The following PRKCI variants were observed in gnomAD, a reference collection of about 807,000 sequenced individuals.
The protein encoded by PRKCI is protein kinase C iota.
In PRKCI, 43 loss-of-function variants were observed where a neutral mutation model predicts 84.0. The observed-to-expected ratio is 0.51, with a 90% confidence interval of 0.40 to 0.66. PRKCI has a LOEUF of 0.66. Among genes scored for constraint, PRKCI ranks in the 30% least tolerant of loss-of-function variants. PRKCI has a pLI of 0.00. For missense variants in PRKCI, 459 were observed against 745.6 expected, an observed-to-expected ratio of 0.62 and a Z score of 4.48; for synonymous variants, 216 against 234.4, an observed-to-expected ratio of 0.92 and a Z score of 0.72.
At chr3:170,295,536 C>T (rs1296910927) in intron 14 of PRKCI, among the ~76,000 whole-genome samples, 1 of 151,900 alleles carries the variant, frequency 6.6e-6, no homozygotes, top group African/African-American at 2.4e-5. Flanking sequence ...ACTCACTGGG[C>T]ATAGTGGCAC....
intron 2 of PRKCI, among the ~76,000 whole-genome samples, chr3:170,247,666 G>T (rs1733319846): frequency 6.9e-6 from 1 of 145,894 alleles, no homozygotes; most frequent in Non-Finnish European, 1.5e-5. Flanking sequence ...GGAGGTGGAG[G>T]TTGCAGTGAG....
chr3:170,243,436 G>A (rs1010869923), intron 2 of PRKCI, among the ~76,000 whole-genome samples: 8 of 152,018 alleles, frequency 5.3e-5, no homozygotes, highest in African/African-American at 9.7e-5. Context: ...GATTGTTTTT[G>A]GTTTTGGCTG....
At chr3:170,297,530 C>A (rs1734714154) in intron 16 of PRKCI, 137 bp downstream of exon 16, 4 of 667,744 alleles carry the variant, frequency 6.0e-6, no homozygotes, top group Non-Finnish European at 1.1e-5. Context: ...TCTCAGCTCA[C>A]TGCAACCTCC....
At position 170,263,419 on chromosome 3, in the gene PRKCI, A is replaced by G; in HGVS notation, c.354A>G (p.Pro118=). The G allele has an allele frequency of 6.3e-7, 1 of 1,594,930 alleles. No homozygotes were observed. Among genetic ancestry groups the G allele is most frequent in the Middle Eastern group, 1.7e-4 (1 of 6,008 alleles). The change falls in exon 4 of 18, where the codon CCA becomes CCG. Residue 118 remains proline (P), a synonymous_variant. Coordinates refer to ENST00000295797, the MANE Select transcript of PRKCI (RefSeq NM_002740.6). ...CVPERPGMPC[P]GEDKSIYRRG... ...CAGAACGTCCTGGGATGCCTTGTCC[A>G]GGAGAAGATAGTGAGTGTTTATATA... is the stretch of plus-strand genomic sequence containing the variant.
intron 2 of PRKCI, among the ~76,000 whole-genome samples, chr3:170,240,055 A>G (rs886418016): frequency 1.3e-5 from 2 of 152,126 alleles, no homozygotes; most frequent in African/African-American, 4.8e-5. Context: ...TCAGCTACTC[A>G]AAAAGCTAAG....
chr3:170,226,069 C>T (rs1732620835), intron 1 of PRKCI, among the ~76,000 whole-genome samples: 1 of 151,942 alleles, frequency 6.6e-6, no homozygotes, highest in Non-Finnish European at 1.5e-5. Context: ...CCCACCACCA[C>T]GCCCAGCTAA....
At chr3:170,242,913 C>T (rs556353327) in intron 2 of PRKCI, among the ~76,000 whole-genome samples, 1 of 152,006 alleles carries the variant, frequency 6.6e-6, no homozygotes, top group South Asian at 2.1e-4. Flanking sequence ...TCAGGTGATC[C>T]GCCTGCCTCA....
chr3:170,231,702 T>TAATC (rs146587555), intron 1 of PRKCI, among the ~76,000 whole-genome samples: 3,210 of 152,260 alleles, frequency 0.021, 59 homozygotes, highest in East Asian at 0.1. Flanking sequence ...TGACCTCAGG[T>TAATC]AATCCACCCA....
intron 7 of PRKCI, among the ~76,000 whole-genome samples, chr3:170,273,743 A>G (rs1332696731): frequency 1.3e-5 from 2 of 151,820 alleles, no homozygotes; most frequent in African/African-American, 4.8e-5. Context: ...TGAACCCAGA[A>G]GTTGGAGGTT....
intron 2 of PRKCI, among the ~76,000 whole-genome samples, chr3:170,252,292 T>C (rs1733471838): frequency 1.3e-5 from 2 of 150,002 alleles, no homozygotes; most frequent in Admixed American, 6.7e-5. Flanking sequence ...TGGAGGACAG[T>C]TGGAAATACT....
At chr3:170,227,101 A>G (rs946656847) in intron 1 of PRKCI, among the ~76,000 whole-genome samples, 6 of 152,226 alleles carry the variant, frequency 3.9e-5, no homozygotes, top group Non-Finnish European at 7.3e-5. Context: ...TCTGCACAGA[A>G]AAATTCTCCC....
intron 2 of PRKCI, among the ~76,000 whole-genome samples, chr3:170,258,818 A>G (rs1050018940): frequency 3.3e-5 from 5 of 152,160 alleles, no homozygotes; most frequent in Admixed American, 2.6e-4. Context: ...TCCTTTGAGG[A>G]GGCTCTGTCA....
chr3:170,259,635 C>G (rs1019998183), intron 2 of PRKCI, among the ~76,000 whole-genome samples: 2 of 152,054 alleles, frequency 1.3e-5, no homozygotes, highest in Non-Finnish European at 2.9e-5. Flanking sequence ...ATGGTGAAAC[C>G]CTGTCTCTAC....
Position 170,305,034 on chromosome 3 carries a change from C to A in PRKCI, c.*1907C>A, listed in dbSNP as rs1259236322. Reference sequence around the variant, plus strand: ...TCAAAGGAAAATGTTTATATACATCCACATGTTTATTTAATATGTTTCTCT... The same window carrying A: ...TCAAAGGAAAATGTTTATATACATCAACATGTTTATTTAATATGTTTCTCT... On this transcript the variant is annotated 3_prime_UTR_variant, in exon 18 of 18. Coordinates refer to ENST00000295797, the MANE Select transcript of PRKCI (RefSeq NM_002740.6). 6.6e-6 allele frequency: 1 copy of A among 152,058 alleles called. No individual in the cohort carries two copies. Among genetic ancestry groups the A allele is most frequent in the Non-Finnish European group, 1.5e-5 (1 of 67,996 alleles). The allele number at this position is 152,058 out of a possible 1,614,324, so 9.4% of individuals were successfully genotyped here.
At position 170,222,493 on chromosome 3, in the gene PRKCI, C is replaced by G. The variant is rs1457428332; in HGVS notation, c.-177C>G. On this transcript the variant is annotated 5_prime_UTR_variant, in exon 1 of 18. Transcript: ENST00000295797. ...CGCCTACGGGCAGTGGGAGGAGCCG[C>G]GCGGTTCCGGCTGCTCCGGCGAGGC... The G allele has an allele frequency of 1.4e-5, 7 of 503,652 alleles. No homozygotes were observed. Among genetic ancestry groups the G allele is most frequent in the Non-Finnish European group, 2.3e-5 (7 of 299,638 alleles). 31.2% of individuals were successfully genotyped at this position (503,652 alleles called of 1,614,324 possible). A position where few individuals can be genotyped will look rare whatever the true frequency, so the allele number is the denominator to read the frequency against.
In PRKCI at chr3:170,304,761, T is replaced by C. The variant is rs1193014545; in HGVS notation, c.*1634T>C. 2 of 152,180 alleles carry C rather than the reference T, an allele frequency of 1.3e-5. No homozygotes were observed. Among genetic ancestry groups the C allele is most frequent in the Admixed American group, 6.5e-5 (1 of 15,278 alleles). The allele number at this position is 152,180 out of a possible 1,614,324, so 9.4% of individuals were successfully genotyped here. A position where few individuals can be genotyped will look rare whatever the true frequency, so the allele number is the denominator to read the frequency against. On this transcript the variant is annotated 3_prime_UTR_variant, in exon 18 of 18. Transcript: ENST00000295797. ...TCTGTTGTTTATTTTAAATATATTTTTAATGAAAAGGGACTTAAAAAGTAA... is the reference window on the plus strand; with the variant it reads ...TCTGTTGTTTATTTTAAATATATTTCTAATGAAAAGGGACTTAAAAAGTAA...
chr3:170,285,810 T>G (rs1734369670), intron 12 of PRKCI, among the ~76,000 whole-genome samples: 1 of 151,706 alleles, frequency 6.6e-6, no homozygotes, highest in African/African-American at 2.4e-5. Flanking sequence ...AATGGCACAA[T>G]CTTGGCTCAC....
intron 3 of PRKCI, 82 bp downstream of exon 3, chr3:170,260,140 A>C (rs1270489986): frequency 1.1e-6 from 1 of 897,076 alleles, no homozygotes. Context: ...TTTGAAACAT[A>C]ATCTTAATGT....
intron 8 of PRKCI, among the ~76,000 whole-genome samples, chr3:170,276,952 A>T (rs1734129063): frequency 6.6e-6 from 1 of 152,114 alleles, no homozygotes; most frequent in Non-Finnish European, 1.5e-5. Context: ...TTAAAAAATG[A>T]GCAAAGGGCT....
Sources: allele counts gnomAD v4.1 joint callset (sites outside exome capture counted in the v4.1 genomes callset), GRCh38; gene constraint gnomAD v4.1.1; transcripts MANE v1.5; gene names NCBI Gene and HGNC (gene_info 2026-07-23, HGNC 2026-07-21).